The following IGF2BP1 variants were observed in gnomAD, a reference collection of about 807,000 sequenced individuals.
IGF2BP1 encodes insulin like growth factor 2 mRNA binding protein 1.
IGF2BP1 carries 11 observed loss-of-function variants against 74.9 expected under a neutral mutation model. That is an observed-to-expected ratio of 0.15 (90% CI 0.09 to 0.24). The LOEUF (loss-of-function observed/expected upper bound fraction) is 0.24, where lower values mean the gene tolerates loss of function less well. Among genes scored for constraint, IGF2BP1 ranks in the 10% least tolerant of loss-of-function variants. The pLI, the probability that IGF2BP1 is intolerant of heterozygous loss-of-function variation, is 1.00. For synonymous variants in IGF2BP1, 287 were observed against 281.8 expected, an observed-to-expected ratio of 1.02 and a Z score of -0.18; for missense variants, 440 against 757.4, an observed-to-expected ratio of 0.58 and a Z score of 4.92.
intron 2 of IGF2BP1, among the ~76,000 whole-genome samples, chr17:49,019,446 G>A (rs1367235146): frequency 6.6e-6 from 1 of 152,126 alleles, no homozygotes; most frequent in Non-Finnish European, 1.5e-5. Flanking sequence ...AACTGGGTGA[G>A]CTGGAATTAC....
chr17:49,022,304 A>G (rs771155293), intron 2 of IGF2BP1, among the ~76,000 whole-genome samples: 2 of 152,200 alleles, frequency 1.3e-5, no homozygotes, highest in Non-Finnish European at 2.9e-5. Context: ...GAAATGCCCC[A>G]TGTGCTTTGA....
chr17:49,033,842 G>T (rs1456319178), intron 5 of IGF2BP1, among the ~76,000 whole-genome samples: 1 of 150,690 alleles, frequency 6.6e-6, no homozygotes, highest in Non-Finnish European at 1.5e-5. Flanking sequence ...TATTTTTTGA[G>T]ACACTCTCTC....
At position 49,045,077 on chromosome 17, in the gene IGF2BP1, T is replaced by C. The variant is rs1165071891; in HGVS notation, c.1395+12T>C. 6.2e-7 allele frequency: 1 copy of C among 1,611,556 alleles called. No individual in the cohort carries two copies. Among genetic ancestry groups the C allele is most frequent in the East Asian group, 2.2e-5 (1 of 44,870 alleles). On this transcript the variant is annotated intron_variant, in intron 12 of 14. Transcript: ENST00000290341. ...AGGCCCAATTCAAGGTTTTGGTCTT[T>C]ATTGTTTTCCAAGCTGAACATGGAG...
In IGF2BP1 at chr17:48,997,493, G is replaced by A. The variant is rs2041420462; in HGVS notation, c.-253G>A. The A allele has an allele frequency of 2.4e-6, 1 of 421,338 alleles. No individual in the cohort carries two copies. Among genetic ancestry groups the A allele is most frequent in the Non-Finnish European group, 4.3e-6 (1 of 235,268 alleles). 26.1% of individuals were successfully genotyped at this position (421,338 alleles called of 1,614,324 possible). ...AGGGGTTTCGGACCGAAGGGAAGAA[G>A]CTGCGCCGTGTCGTCCGTCTCCCTG... On this transcript the variant is annotated 5_prime_UTR_variant, in exon 1 of 15. Coordinates refer to ENST00000290341, the MANE Select transcript of IGF2BP1 (RefSeq NM_006546.4). The surrounding 1 kb of genome is among the most constrained non-coding windows in gnomAD (Gnocchi z 4.8).
chr17:48,998,279 C>T (rs2041434113), intron 1 of IGF2BP1, among the ~76,000 whole-genome samples: 1 of 152,214 alleles, frequency 6.6e-6, no homozygotes, highest in African/African-American at 2.4e-5. Context: ...CGCCCAGCCC[C>T]TCCCTATCCG....
At chr17:49,048,443 G>A (rs1465909175) in intron 14 of IGF2BP1, among the ~76,000 whole-genome samples, 1 of 151,656 alleles carries the variant, frequency 6.6e-6, no homozygotes, top group East Asian at 1.9e-4. Context: ...AATAAAGATG[G>A]GGTTTCACCG....
At chr17:49,042,775 C>T (rs2042066534) in intron 9 of IGF2BP1, among the ~76,000 whole-genome samples, 2 of 152,040 alleles carry the variant, frequency 1.3e-5, no homozygotes, top group Admixed American at 1.3e-4. Context: ...CCCCTGGGCT[C>T]AAGGAATACT....
rs1192090568 is a variant in IGF2BP1, at chr17:49,051,586, C to A, written c.*2142C>A. 6.6e-6 allele frequency: 1 copy of A among 152,254 alleles called. No individual in the cohort carries two copies. The highest frequency in any genetic ancestry group is 1.5e-5 in the Non-Finnish European group (1 of 68,056). The allele number at this position is 152,254 out of a possible 1,614,324, so 9.4% of individuals were successfully genotyped here. A position where few individuals can be genotyped will look rare whatever the true frequency, so the allele number is the denominator to read the frequency against. On this transcript the variant is annotated 3_prime_UTR_variant, in exon 15 of 15. Transcript: ENST00000290341. Reference sequence around the variant, plus strand: ...CCAACCAGCTGGCCCTTGGTCTCCTCTCTTTCCTCCTTTGGTTAAAGAGCA... The same window carrying A: ...CCAACCAGCTGGCCCTTGGTCTCCTATCTTTCCTCCTTTGGTTAAAGAGCA...
intron 5 of IGF2BP1, among the ~76,000 whole-genome samples, chr17:49,034,746 ACAAAAAAAAC>A (rs745629503): frequency 0.04 from 5,111 of 129,282 alleles, 151 homozygotes; most frequent in African/African-American, 0.056. Flanking sequence ...CAAAAAAAAC[ACAAAAAAAAC>A]AAAAAAAACA....
At chr17:49,022,660 T>A (rs1383767066) in intron 2 of IGF2BP1, among the ~76,000 whole-genome samples, 1 of 152,200 alleles carries the variant, frequency 6.6e-6, no homozygotes, top group Non-Finnish European at 1.5e-5. Flanking sequence ...TGCCTGCCAT[T>A]GCTTTCAGGA....
At chr17:49,011,184 A>G (rs1046301442) in intron 2 of IGF2BP1, among the ~76,000 whole-genome samples, 1 of 151,408 alleles carries the variant, frequency 6.6e-6, no homozygotes, top group East Asian at 1.9e-4. Context: ...CTAAAAAAAC[A>G]AAAACAGCTT....
chr17:49,004,165 G>A (rs1455532675), intron 2 of IGF2BP1, among the ~76,000 whole-genome samples: 1 of 152,202 alleles, frequency 6.6e-6, no homozygotes, highest in Non-Finnish European at 1.5e-5. Context: ...ACATCCGCTG[G>A]CCTGGGTCTC....
rs1322363553 is a variant in IGF2BP1 at position 49,052,589 on chromosome 17, A to G, written c.*3145A>G. On this transcript the variant is annotated 3_prime_UTR_variant, in exon 15 of 15. Coordinates refer to ENST00000290341, the MANE Select transcript of IGF2BP1 (RefSeq NM_006546.4). ...GGAAAATCATGTAAGTTATACCACC[A>G]GAAAGCAAAAGGAGCATGGTTTGGT... The G allele has an allele frequency of 6.6e-6, 1 of 152,302 alleles. No individual in the cohort carries two copies. The highest frequency in any genetic ancestry group is 6.5e-5 in the Admixed American group (1 of 15,270). 9.4% of individuals were successfully genotyped at this position (152,302 alleles called of 1,614,324 possible).
At position 49,001,228 on chromosome 17, in the gene IGF2BP1, C is replaced by T. The variant is rs148562373; in HGVS notation, c.236+2059C>T. Among the ~76,000 whole-genome samples the T allele has an allele frequency of 2.3e-3, 352 of 152,218 alleles. 2 individuals are homozygous for T. The highest frequency in any genetic ancestry group is 8.1e-3 in the African/African-American group (337 of 41,542). ...TTTAGTCTGTGTCTGAAAAGTATTT[C>T]GTCAGTTAGGTTTGTTACTGACTTT... On this transcript the variant is annotated intron_variant, in intron 2 of 14. Coordinates refer to ENST00000290341, the MANE Select transcript of IGF2BP1 (RefSeq NM_006546.4).
chr17:49,041,054 G>A (rs189415818), intron 7 of IGF2BP1, among the ~76,000 whole-genome samples: 3 of 152,064 alleles, frequency 2.0e-5, no homozygotes, highest in Non-Finnish European at 4.4e-5. Context: ...CGGCCTGTGC[G>A]TATAGTCCCA....
intron 11 of IGF2BP1, among the ~76,000 whole-genome samples, chr17:49,044,561 A>G (rs2042089200): frequency 6.6e-6 from 1 of 152,254 alleles, no homozygotes; most frequent in South Asian, 2.1e-4. Flanking sequence ...TGAAACAAGG[A>G]TGCTGTTAGA....
intron 7 of IGF2BP1, 98 bp downstream of exon 7, chr17:49,040,189 C>G: frequency 7.6e-7 from 1 of 1,312,278 alleles, no homozygotes; most frequent in Non-Finnish European, 1.1e-6. Flanking sequence ...ATAAGAAATA[C>G]AGTCAGCAAT....
chr17:49,038,848 TCTGCCACTGCCAC>T (rs1270451930), intron 6 of IGF2BP1, among the ~76,000 whole-genome samples: 1 of 151,704 alleles, frequency 6.6e-6, no homozygotes, highest in Non-Finnish European at 1.5e-5. Context: ...CATCTCCCAT[TCTGCCACTGCCAC>T]CTTCTTTCTT....
At chr17:49,022,655 G>A (rs532572947) in intron 2 of IGF2BP1, among the ~76,000 whole-genome samples, 1 of 152,112 alleles carries the variant, frequency 6.6e-6, no homozygotes, top group South Asian at 2.1e-4. Flanking sequence ...CGATCTGCCT[G>A]CCATTGCTTT....
Sources: allele counts gnomAD v4.1 joint callset (sites outside exome capture counted in the v4.1 genomes callset), GRCh38; gene constraint gnomAD v4.1.1; non-coding constraint Gnocchi (gnomAD v3.1); transcripts MANE v1.5; gene names NCBI Gene and HGNC (gene_info 2026-07-23, HGNC 2026-07-21).